Variants in SVEP1 observed in about 807,000 individuals in gnomAD.
The protein encoded by SVEP1 is sushi, von Willebrand factor type A, EGF and pentraxin domain-containing protein 1.
A neutral mutation model predicts 367.3 loss-of-function variants in SVEP1; 164 were observed. The ratio of observed to expected loss-of-function variants is 0.45; its 90% CI spans 0.39 to 0.51. SVEP1 has a LOEUF of 0.51. Among genes scored for constraint, SVEP1 ranks in the 20% least tolerant of loss-of-function variants. SVEP1 has a pLI of 0.00. For missense variants in SVEP1, 4,117 were observed against 4,425.3 expected (o/e 0.93, Z 1.98); for synonymous variants, 1,666 against 1,611.6 (o/e 1.03, Z -0.81).
intron 36 of SVEP1, among the ~76,000 whole-genome samples, chr9:110,414,749 T>C (rs1351658168): frequency 6.6e-6 from 1 of 151,954 alleles, no homozygotes; most frequent in African/African-American, 2.4e-5. Context: ...TTATTAGCTC[T>C]TCTGTCTTAG....
At chr9:110,440,051 A>G (rs1383205954) in intron 27 of SVEP1, among the ~76,000 whole-genome samples, 2 of 152,230 alleles carry the variant, frequency 1.3e-5, no homozygotes, top group African/African-American at 4.8e-5. Context: ...TAGAGAAGAG[A>G]TAGTTGAAAA....
In SVEP1 at chr9:110,415,568, G is replaced by A. The variant is rs539291590; in HGVS notation, c.5976-3833C>T. On this transcript the variant is annotated intron_variant, in intron 36 of 47. Coordinates refer to ENST00000374469, the MANE Select transcript of SVEP1 (RefSeq NM_153366.4). ...ACAAAGGCCATGACTTGAACAGAGC[G>A]ATGCCATCCTTGACTGGAACAAGAC... Among the ~76,000 whole-genome samples the A allele has an allele frequency of 1.1e-4, 17 of 152,124 alleles. No homozygotes were observed. The East Asian group carries it at 3.1e-3, about 28-fold the overall frequency.
intron 8 of SVEP1, among the ~76,000 whole-genome samples, chr9:110,490,078 T>G (rs1829344486): frequency 6.6e-6 from 1 of 152,212 alleles, no homozygotes; most frequent in Admixed American, 6.5e-5. Flanking sequence ...TAATGTTCTG[T>G]AGAATAAATA....
At chr9:110,443,400 G>T in intron 27 of SVEP1, 145 bp downstream of exon 27, 1 of 759,026 alleles carries the variant, frequency 1.3e-6, no homozygotes, top group Non-Finnish European at 1.9e-6. Context: ...CCCACAGTTA[G>T]GATAATCAGG....
intron 1 of SVEP1, among the ~76,000 whole-genome samples, chr9:110,565,392 G>A (rs1830479468): frequency 6.6e-6 from 1 of 152,188 alleles, no homozygotes; most frequent in Non-Finnish European, 1.5e-5. Context: ...TTTCAATAAA[G>A]GGTGTGAGGT....
intron 37 of SVEP1, among the ~76,000 whole-genome samples, chr9:110,409,661 G>A (rs10817015): frequency 0.13 from 20,009 of 152,124 alleles, 1,646 homozygotes; most frequent in South Asian, 0.23. Context: ...AATGTTGTTA[G>A]ATCATAAATA....
chr9:110,512,563 T>A (rs571694983), intron 5 of SVEP1, among the ~76,000 whole-genome samples: 18 of 152,286 alleles, frequency 1.2e-4, no homozygotes, highest in Non-Finnish European at 2.4e-4. Context: ...AGGATACTTG[T>A]GTGATTCCTT....
At chr9:110,386,116 T>C in intron 42 of SVEP1, 42 bp from the exon 43 acceptor site, 1 of 1,580,462 alleles carries the variant, frequency 6.3e-7, no homozygotes, top group African/African-American at 1.4e-5. Flanking sequence ...ATTTCCCCTC[T>C]TTTCCTAATG....
chr9:110,414,451 G>T (rs2118515062), intron 36 of SVEP1, among the ~76,000 whole-genome samples: 1 of 151,976 alleles, frequency 6.6e-6, no homozygotes, highest in Non-Finnish European at 1.5e-5. Context: ...CCCCAGTTAG[G>T]GCCTGCTGCA....
At chr9:110,511,288 TG>T (rs1453023459) in intron 5 of SVEP1, among the ~76,000 whole-genome samples, 9 of 152,172 alleles carry the variant, frequency 5.9e-5, no homozygotes, top group Non-Finnish European at 1.3e-4. Context: ...GATCTTCTAC[TG>T]GTGCATCTCC....
At chr9:110,405,920 A>G (rs550531006) in intron 38 of SVEP1, among the ~76,000 whole-genome samples, 1 of 152,348 alleles carries the variant, frequency 6.6e-6, no homozygotes, top group East Asian at 1.9e-4. Context: ...AGCTCAACAG[A>G]ATATGATAGT....
intron 36 of SVEP1, among the ~76,000 whole-genome samples, chr9:110,423,616 C>CA (rs1227299803): frequency 6.6e-5 from 10 of 150,558 alleles, no homozygotes; most frequent in South Asian, 4.2e-4. Flanking sequence ...TTAAGCCTGA[C>CA]AAAAAAAATC....
intron 43 of SVEP1, among the ~76,000 whole-genome samples, chr9:110,385,222 C>G (rs2118960656): frequency 6.6e-6 from 1 of 152,244 alleles, no homozygotes; most frequent in South Asian, 2.1e-4. Context: ...CTCAGGTGAT[C>G]CACCCACCTC....
intron 5 of SVEP1, among the ~76,000 whole-genome samples, chr9:110,506,973 A>G (rs1247949544): frequency 6.6e-6 from 1 of 152,096 alleles, no homozygotes; most frequent in Non-Finnish European, 1.5e-5. Flanking sequence ...AGCTGTCAAG[A>G]CCCATGGAAA....
intron 40 of SVEP1, among the ~76,000 whole-genome samples, chr9:110,393,898 G>A (rs1827710994): frequency 6.6e-6 from 1 of 152,194 alleles, no homozygotes; most frequent in Non-Finnish European, 1.5e-5. Flanking sequence ...GCTCAAGGAG[G>A]CATGCCTGCC....
rs778500395 is a variant in SVEP1, at chr9:110,499,023, ACTAGTGTAGAGAC to A, written c.1681+5_1681+17del. 1.2e-6 allele frequency: 2 copies of A among 1,603,786 alleles called. No individual in the cohort carries two copies. The highest frequency in any genetic ancestry group is 2.2e-5 in the South Asian group (2 of 89,666). ...ATTAAAAAATTTGATTTTTAGCCTG[ACTAGTGTAGAGAC>A]CTACCTTTACACACAGCTGCCTGAA... is the stretch of plus-strand genomic sequence containing the variant. On this transcript the variant is annotated splice_donor_5th_base_variant and intron_variant, in intron 7 of 47. Transcript: ENST00000374469.
chr9:110,579,649 G>T lies in SVEP1; in HGVS notation c.-106C>A, dbSNP rs1027120603. On this transcript the variant is annotated 5_prime_UTR_variant, in exon 1 of 48. Transcript: ENST00000374469. This position sits in a 1 kb window ranked among gnomAD's most constrained non-coding sequence, Gnocchi z 5.3. ...AGGGGCGTGCGCGGAGCTGGGCGCGGGGCAGCGGCCAAGAGCCTCAGCGCC... is the reference window on the plus strand; with the variant it reads ...AGGGGCGTGCGCGGAGCTGGGCGCGTGGCAGCGGCCAAGAGCCTCAGCGCC... The T allele has an allele frequency of 6.2e-5, 83 of 1,335,808 alleles. No individual in the cohort carries two copies. The highest frequency in any genetic ancestry group is 5.1e-5 in the Non-Finnish European group (52 of 1,026,818). The allele number at this position is 1,335,808 out of a possible 1,614,324, so 82.7% of individuals were successfully genotyped here.
At chr9:110,398,798 C>T (rs577423135) in intron 40 of SVEP1, among the ~76,000 whole-genome samples, 3 of 152,144 alleles carry the variant, frequency 2.0e-5, no homozygotes, top group Non-Finnish European at 4.4e-5. Flanking sequence ...CAATGAGATG[C>T]CATCTCACAC....
chr9:110,447,884 T>G (rs1196240816), intron 24 of SVEP1, among the ~76,000 whole-genome samples: 1 of 152,184 alleles, frequency 6.6e-6, no homozygotes, highest in Non-Finnish European at 1.5e-5. Flanking sequence ...AATGGAATAC[T>G]AAGGAGCAAT....
Sources: gnomAD v4.1 joint callset for allele counts (sites outside exome capture counted in the v4.1 genomes callset) on GRCh38, gnomAD v4.1.1 for gene constraint, Gnocchi (gnomAD v3.1) non-coding constraint, MANE v1.5 for transcripts, NCBI Gene and HGNC (gene_info 2026-07-23, HGNC 2026-07-21) for gene names.